Variants in CCDC12 observed in about 807,000 individuals in gnomAD.
CCDC12 encodes coiled-coil domain-containing protein 12.
Under a neutral mutation model 25.7 loss-of-function variants are expected in CCDC12, and 28 were observed. The ratio of observed to expected loss-of-function variants is 1.09; its 90% CI spans 0.81 to 1.50. CCDC12 has a LOEUF of 1.50. CCDC12 is among the 40% of genes most tolerant of loss of function. CCDC12 has a pLI of 0.00. For synonymous variants in CCDC12, 75 were observed against 87.7 expected, an observed-to-expected ratio of 0.86 and a Z score of 0.81; for missense variants, 198 against 210.0, an observed-to-expected ratio of 0.94 and a Z score of 0.35.
At chr3:46,975,988 G>A (rs978825098) in intron 1 of CCDC12, 1 of 151,918 alleles carries the variant, frequency 6.6e-6, no homozygotes, top group Non-Finnish European at 1.5e-5. Context: ...TGGGATTACA[G>A]GCGCGCACCA....
chr3:46,923,312 G>A lies in CCDC12; in HGVS notation c.341+17C>T, dbSNP rs112980322. The A allele has an allele frequency of 1.4e-3, 2,050 of 1,473,864 alleles. 22 individuals carry two copies. The African/African-American group carries it at 0.024, about 17-fold the overall frequency. 91.3% of individuals were successfully genotyped at this position (1,473,864 alleles called of 1,614,324 possible). On this transcript the variant is annotated intron_variant, in intron 5 of 6. Coordinates refer to ENST00000683445, the MANE Select transcript of CCDC12 (RefSeq NM_001277074.2). The stretch of plus-strand genomic sequence containing the variant: ...CCCCGAGTCAGCCTGCACCCGCCAC[G>A]CACGGGCAACACTCACCAGTCAGGC...
intron 3 of CCDC12, 63 bp from the exon 4 acceptor site, chr3:46,923,731 T>C: frequency 3.0e-6 from 4 of 1,329,614 alleles, no homozygotes; most frequent in Non-Finnish European, 4.0e-6. Context: ...GCAGGGACAC[T>C]GCCTACCGTG....
At chr3:46,960,771 G>A (rs1405073057) in intron 1 of CCDC12, among the ~76,000 whole-genome samples, 1 of 152,206 alleles carries the variant, frequency 6.6e-6, no homozygotes, top group Non-Finnish European at 1.5e-5. Flanking sequence ...TCGCTATGGG[G>A]TCTCCCAGAT....
In CCDC12 at chr3:46,938,561, C is replaced by G. The variant is rs543968371; in HGVS notation, c.164+2437G>C. Among the ~76,000 whole-genome samples the G allele has an allele frequency of 1.2e-4, 14 of 120,274 alleles. No individual in the cohort carries two copies. In the East Asian group the frequency reaches 3.7e-3, roughly 32 times the overall value. The allele number at this position is 120,274 out of a possible 152,430, so 78.9% of individuals were successfully genotyped here. ...TTTTTTTTGGTACAACAAAATCACA[C>G]ATCATTGGCCAGGTCCACTGGCTCA... On this transcript the variant is annotated intron_variant, in intron 2 of 6. Transcript: ENST00000683445.
In CCDC12 at chr3:46,923,616, G is replaced by A. The variant is rs141076138; in HGVS notation, c.297C>T (p.Ile99=). The A allele has an allele frequency of 1.3e-4, 212 of 1,599,472 alleles. 3 individuals carry two copies. The African/African-American group carries it at 2.1e-3, about 16-fold the overall frequency. The change falls in exon 4 of 7, where the codon ATC becomes ATT. Residue 99 remains isoleucine (I), a synonymous_variant. Transcript: ENST00000683445. ...TGGTCCAGGCACTCACCACCTCCTC[G>A]ATGACGGGCTCGGGCTTGGCGGCCT... ...QLEAAKPEPV[I]EEVDLANLAP... is the part of the protein sequence containing the mutation.
intron 1 of CCDC12, among the ~76,000 whole-genome samples, chr3:46,970,199 C>T (rs900722984): frequency 2.0e-5 from 3 of 152,132 alleles, no homozygotes; most frequent in Non-Finnish European, 2.9e-5. Flanking sequence ...TTGTCCAACC[C>T]GCAGACCAAG....
chr3:46,974,647 T>C (rs907264643), intron 1 of CCDC12, among the ~76,000 whole-genome samples: 2 of 152,198 alleles, frequency 1.3e-5, no homozygotes, highest in Non-Finnish European at 2.9e-5. Flanking sequence ...TACTTCCCTT[T>C]TCACTTTCAC....
rs186074266 is a variant in CCDC12 at position 46,971,792 on chromosome 3, T to C, written c.96+4845A>G. Among the ~76,000 whole-genome samples, 173 of 152,276 alleles carry C rather than the reference T, an allele frequency of 1.1e-3. 2 individuals carry two copies. The highest frequency in any genetic ancestry group is 0.011 in the Admixed American group (173 of 15,294). On this transcript the variant is annotated intron_variant, in intron 1 of 6. Coordinates refer to ENST00000683445, the MANE Select transcript of CCDC12 (RefSeq NM_001277074.2). ...GTGCTAGGAAACCAGCAAGATGCCATCCTCATGGGGCAGACAGGTGCTCTC... is the reference window on the plus strand; with the variant it reads ...GTGCTAGGAAACCAGCAAGATGCCACCCTCATGGGGCAGACAGGTGCTCTC...
At chr3:46,930,031 CAAAAAAAAAAAA>C (rs145507739) in intron 2 of CCDC12, among the ~76,000 whole-genome samples, 48 of 39,902 alleles carry the variant, frequency 1.2e-3, no homozygotes, top group African/African-American at 5.1e-3. Context: ...GACCCCATCT[CAAAAAAAAAAAA>C]AAAAAAAAAA....
At chr3:46,965,381 T>C (rs1416659135) in intron 1 of CCDC12, among the ~76,000 whole-genome samples, 1 of 152,184 alleles carries the variant, frequency 6.6e-6, no homozygotes, top group African/African-American at 2.4e-5. Context: ...AGGAACCTTG[T>C]CTTGTGGCTG....
chr3:46,947,553 C>A (rs777150044), intron 1 of CCDC12, among the ~76,000 whole-genome samples: 1 of 152,182 alleles, frequency 6.6e-6, no homozygotes, highest in Non-Finnish European at 1.5e-5. Flanking sequence ...CAGAGACTGG[C>A]AGGGGGAAAG....
rs55633581 is a variant in CCDC12, at chr3:46,962,153, G to A, written c.96+14484C>T. The stretch of plus-strand genomic sequence containing the variant: ...TATTCGCCAAAGAATTCAATTTTGG[G>A]CCAGGTGAGGCGGCTCTCGTCTGTA... On this transcript the variant is annotated intron_variant, in intron 1 of 6. Transcript: ENST00000683445. 2.1e-3 allele frequency among the ~76,000 whole-genome samples: 322 copies of A among 152,164 alleles called. 3 individuals carry two copies. The highest frequency in any genetic ancestry group is 7.4e-3 in the African/African-American group (309 of 41,498).
At chr3:46,951,421 T>A (rs1028564465) in intron 1 of CCDC12, among the ~76,000 whole-genome samples, 1 of 152,048 alleles carries the variant, frequency 6.6e-6, no homozygotes, top group African/African-American at 2.4e-5. Flanking sequence ...ACAACGTATA[T>A]TGTAGAAACA....
At chr3:46,958,483 T>C (rs2107175422) in intron 1 of CCDC12, among the ~76,000 whole-genome samples, 1 of 152,292 alleles carries the variant, frequency 6.6e-6, no homozygotes, top group Admixed American at 6.5e-5. Flanking sequence ...CTTCTCCCTG[T>C]AACCAGCTGC....
chr3:46,942,828 C>T (rs1231761120), intron 1 of CCDC12, among the ~76,000 whole-genome samples: 2 of 152,072 alleles, frequency 1.3e-5, no homozygotes, highest in African/African-American at 2.4e-5. Context: ...TGAGAGGTTT[C>T]CTACTGAGAG....
chr3:46,981,205 G>GAC (rs2035309412), upstream of CCDC12, among the ~76,000 whole-genome samples: 2 of 152,032 alleles, frequency 1.3e-5, no homozygotes, highest in Admixed American at 1.3e-4. Context: ...AGCACTTTGG[G>GAC]AGGCCGAGGC....
intron 1 of CCDC12, chr3:46,976,281 C>A: frequency 9.0e-7 from 1 of 1,116,592 alleles, no homozygotes; most frequent in Non-Finnish European, 1.1e-6. Flanking sequence ...ACCAGCTAGG[C>A]CATAGAGGAA....
chr3:46,959,790 C>T (rs375451806), intron 1 of CCDC12, among the ~76,000 whole-genome samples: 1 of 152,186 alleles, frequency 6.6e-6, no homozygotes, highest in African/African-American at 2.4e-5. Flanking sequence ...TCTGCTCCTG[C>T]CCCTCCTCTG....
intron 1 of CCDC12, among the ~76,000 whole-genome samples, chr3:46,946,949 C>CA (rs2033931728): frequency 1.3e-5 from 2 of 152,092 alleles, no homozygotes; most frequent in South Asian, 4.1e-4. Flanking sequence ...ATAAGAGAAG[C>CA]AGGAAAGGGT....
Sources: allele counts gnomAD v4.1 joint callset (sites outside exome capture counted in the v4.1 genomes callset), GRCh38; gene constraint gnomAD v4.1.1; transcripts MANE v1.5; gene names NCBI Gene and HGNC (gene_info 2026-07-23, HGNC 2026-07-21).